The following ATP2B2 variants were observed in gnomAD, a reference collection of about 807,000 sequenced individuals.
ATP2B2 encodes ATPase plasma membrane Ca2+ transporting 2.
In ATP2B2, 15 loss-of-function variants were observed where a neutral mutation model predicts 120.0. The ratio of observed to expected loss-of-function variants is 0.12; its 90% confidence interval spans 0.08 to 0.19. The LOEUF (loss-of-function observed/expected upper bound fraction) is 0.19, where lower values mean the gene tolerates loss of function less well. ATP2B2 is among the 10% of genes least tolerant of loss of function. The probability of loss-of-function intolerance (pLI) is 1.00; values close to 1 mark genes in which losing one functional copy is unlikely to be tolerated. For missense variants in ATP2B2, 1,045 were observed against 1,719.8 expected, an observed-to-expected ratio of 0.61 and a Z score of 6.94; for synonymous variants, 694 against 700.3, an observed-to-expected ratio of 0.99 and a Z score of 0.14.
intron 2 of ATP2B2, among the ~76,000 whole-genome samples, chr3:10,583,539 G>C (rs866389482): frequency 6.6e-6 from 1 of 152,154 alleles, no homozygotes; most frequent in East Asian, 1.9e-4. Context: ...TAGGATCCGT[G>C]CCCTGATTGC....
chr3:10,541,653 A>C (rs1333357859), intron 2 of ATP2B2, among the ~76,000 whole-genome samples: 1 of 152,126 alleles, frequency 6.6e-6, no homozygotes, highest in Non-Finnish European at 1.5e-5. Flanking sequence ...CAATTCTTCT[A>C]ATTTTGCTAA....
chr3:10,397,940 T>C (rs1042266455), intron 5 of ATP2B2, among the ~76,000 whole-genome samples: 3 of 152,198 alleles, frequency 2.0e-5, no homozygotes, highest in African/African-American at 7.2e-5. Flanking sequence ...TATGCCCCTT[T>C]ATCACTTTCT....
In ATP2B2 at chr3:10,359,887, G is replaced by T; in HGVS notation, c.1896C>A (p.Leu632=). The T allele has an allele frequency of 6.2e-7, 1 of 1,614,230 alleles. No individual in the cohort carries two copies. The highest frequency in any genetic ancestry group is 1.1e-5 in the South Asian group (1 of 91,076). ...GTGCCCTGCCCAGCGCTTACTTCTT[G>T]AGCACGATCTCAGAAGCCCCCTTGC... is the stretch of plus-strand genomic sequence containing the variant. ...MYSKGASEIV[L]KKCCKILNGA... is the part of the protein sequence containing the mutation. Residue 632 remains leucine, a synonymous_variant, in exon 13 of 23, where the codon CTC becomes CTA. Transcript: ENST00000360273.
At chr3:10,493,342 G>T (rs570300473) in intron 1 of ATP2B2, among the ~76,000 whole-genome samples, 1 of 152,140 alleles carries the variant, frequency 6.6e-6, no homozygotes, top group African/African-American at 2.4e-5. Flanking sequence ...GAAATAAACC[G>T]AAGGGGAAAG....
At chr3:10,429,062 G>A (rs552403390) in intron 2 of ATP2B2, among the ~76,000 whole-genome samples, 2 of 152,174 alleles carry the variant, frequency 1.3e-5, no homozygotes, top group African/African-American at 4.8e-5. Flanking sequence ...GCCCCATTCA[G>A]TCCCCTGGCT....
At chr3:10,469,102 T>G (rs2064876237) in intron 1 of ATP2B2, among the ~76,000 whole-genome samples, 1 of 152,228 alleles carries the variant, frequency 6.6e-6, no homozygotes, top group Admixed American at 6.5e-5. Context: ...GCAGTGTGGA[T>G]GGAGAGGAAC....
chr3:10,675,398 A>G (rs2071215583), intron 1 of ATP2B2, among the ~76,000 whole-genome samples: 1 of 152,166 alleles, frequency 6.6e-6, no homozygotes, highest in South Asian at 2.1e-4. Flanking sequence ...GTGAGCTTCA[A>G]CCACGTAGCT....
At chr3:10,371,694 CA>C (rs2061247115) in intron 12 of ATP2B2, 114 bp downstream of exon 12, 1 of 1,521,124 alleles carries the variant, frequency 6.6e-7, no homozygotes, top group East Asian at 2.3e-5. Flanking sequence ...CTGACCATAC[CA>C]AAATATATTA....
In ATP2B2 at chr3:10,475,331, C is replaced by A. The variant is rs1367286062; in HGVS notation, c.-319-25469G>T. Among the ~76,000 whole-genome samples the A allele has an allele frequency of 1.3e-5, 2 of 152,202 alleles. 1 individual carries two copies. Among genetic ancestry groups the A allele is most frequent in the Non-Finnish European group, 2.9e-5 (2 of 68,040 alleles). The stretch of plus-strand genomic sequence containing the variant: ...TTGTCCTGCAGGGGTCATGTCAGAG[C>A]TCCCCCACCCTCTGGGCTACTATTG... On this transcript the variant is annotated intron_variant, in intron 1 of 22. Transcript: ENST00000360273.
chr3:10,336,380 G>C (rs896663409), intron 22 of ATP2B2: 221 of 1,373,852 alleles, frequency 1.6e-4, no homozygotes, highest in Non-Finnish European at 1.9e-4. Flanking sequence ...AACGTCACAA[G>C]AACAGCCGCA....
At position 10,449,475 on chromosome 3, in the gene ATP2B2, C is replaced by G. The variant is rs759325739; in HGVS notation, c.69G>C (p.Glu23Asp). ...NQRNESSHGG[E>D]FGCTMEELRS... The stretch of plus-strand genomic sequence containing the variant: ...GGAGCTCCTCCATTGTGCACCCGAA[C>G]TCGCCCCCATGGCTCGACTCATTTC... Residue 23 changes from glutamate to aspartate, a missense_variant, in exon 2 of 23, where the codon GAG (glutamate) becomes GAC (aspartate). Physicochemically the swap from Glu to Asp is conservative, Grantham distance 45 (BLOSUM62 2). Around this residue, in one of 11 missense-constraint regions of ATP2B2, gnomAD observed 139 missense variants for 134.2 expected, o/e 1.04. Coordinates refer to ENST00000360273, the MANE Select transcript of ATP2B2 (RefSeq NM_001001331.4). 2.5e-6 allele frequency: 4 copies of G among 1,614,152 alleles called. No homozygotes were observed. Among genetic ancestry groups the G allele is most frequent in the Non-Finnish European group, 3.4e-6 (4 of 1,180,054 alleles).
chr3:10,410,579 G>GA (rs2062575588), intron 3 of ATP2B2, 39 bp downstream of exon 3: 1 of 1,560,084 alleles, frequency 6.4e-7, no homozygotes, highest in Non-Finnish European at 8.7e-7. Context: ...GCGGTGGCCA[G>GA]GTGTGCGGGG....
rs114930765 is a variant in ATP2B2, at chr3:10,643,058, G to T, written c.-459-23097C>A. Among the ~76,000 whole-genome samples, 918 of 151,346 alleles carry T rather than the reference G, an allele frequency of 6.1e-3. 6 individuals are homozygous for T. Among genetic ancestry groups the T allele is most frequent in the Non-Finnish European group, 9.0e-3 (608 of 67,772 alleles). On this transcript the variant is annotated intron_variant, in intron 1 of 21. Transcript: ENST00000646379. ...GAAAGTCAAGGAGATGCTTAAATAC[G>T]CACTCACACAACAACAACAACAACA...
At chr3:10,465,984 C>G (rs773226673) in intron 1 of ATP2B2, among the ~76,000 whole-genome samples, 1 of 152,176 alleles carries the variant, frequency 6.6e-6, no homozygotes, top group Non-Finnish European at 1.5e-5. Flanking sequence ...TTACAAAGCT[C>G]AGAAGAGGCC....
chr3:10,644,733 A>C (rs9842059), intron 1 of ATP2B2, among the ~76,000 whole-genome samples: 40,179 of 151,992 alleles, frequency 0.26, 9,197 homozygotes, highest in African/African-American at 0.62. Flanking sequence ...GGTTGCCAGG[A>C]GCTGGAGGGA....
At chr3:10,557,848 T>C (rs1361049097) in intron 2 of ATP2B2, among the ~76,000 whole-genome samples, 1 of 151,916 alleles carries the variant, frequency 6.6e-6, no homozygotes, top group Non-Finnish European at 1.5e-5. Flanking sequence ...GGAAGGTGAG[T>C]CATCATGGTG....
Position 10,324,247 on chromosome 3 carries a change from A to G in ATP2B2, c.*4567T>C, listed in dbSNP as rs1341306019. The G allele has an allele frequency of 6.6e-6, 1 of 152,074 alleles. No individual in the cohort carries two copies. Among genetic ancestry groups the G allele is most frequent in the Non-Finnish European group, 1.5e-5 (1 of 68,030 alleles). The allele number at this position is 152,074 out of a possible 1,614,324, so 9.4% of individuals were successfully genotyped here. On this transcript the variant is annotated 3_prime_UTR_variant, in exon 23 of 23. Transcript: ENST00000360273. The stretch of plus-strand genomic sequence containing the variant: ...TTCCCTCGCTACTCTATTATAAAAT[A>G]TGTGCACACAAGAGTTAGCAAAGTG...
intron 1 of ATP2B2, among the ~76,000 whole-genome samples, chr3:10,660,330 A>T (rs1358442342): frequency 1.3e-5 from 2 of 152,214 alleles, no homozygotes; most frequent in South Asian, 4.1e-4. Flanking sequence ...GAAAAGATCA[A>T]CAAAATTGAT....
At chr3:10,491,988 T>C (rs898383242) in intron 1 of ATP2B2, among the ~76,000 whole-genome samples, 2 of 152,216 alleles carry the variant, frequency 1.3e-5, no homozygotes, top group South Asian at 2.1e-4. Context: ...GTATCGACAG[T>C]GTGGTTACAT....
Sources: allele counts gnomAD v4.1 joint callset (sites outside exome capture counted in the v4.1 genomes callset), GRCh38; gene constraint gnomAD v4.1.1; regional missense constraint gnomAD v4.1.1; transcripts MANE v1.5; gene names NCBI Gene and HGNC (gene_info 2026-07-23, HGNC 2026-07-21).